Variants in PPARG observed in about 807,000 individuals in gnomAD.
PPARG encodes peroxisome proliferator-activated receptor gamma.
PPARG carries 17 observed loss-of-function variants against 39.2 expected under a neutral mutation model. The ratio of observed to expected loss-of-function variants is 0.43; its 90% CI spans 0.30 to 0.65. The LOEUF (loss-of-function observed/expected upper bound fraction) is 0.65. Ranked by LOEUF, PPARG falls within the 30% of genes least tolerant of loss-of-function variation. PPARG has a pLI of 0.13. For synonymous variants in PPARG, 223 were observed against 215.7 expected, an observed-to-expected ratio of 1.03 and a Z score of -0.30; for missense variants, 406 against 585.9, an observed-to-expected ratio of 0.69 and a Z score of 3.17.
chr3:12,387,268 A>G (rs997103896), intron 4 of PPARG, among the ~76,000 whole-genome samples: 1 of 152,140 alleles, frequency 6.6e-6, no homozygotes, highest in Non-Finnish European at 1.5e-5. Flanking sequence ...TGGTATTTCT[A>G]GTTCTAGATC....
intron 2 of PPARG, among the ~76,000 whole-genome samples, chr3:12,367,878 A>G (rs1255158678): frequency 1.3e-5 from 2 of 151,732 alleles, no homozygotes; most frequent in African/African-American, 4.8e-5. Context: ...CTGCCTCAAA[A>G]AATAATAGTA....
At chr3:12,386,973 G>A (rs996369174) in intron 4 of PPARG, among the ~76,000 whole-genome samples, 1 of 150,166 alleles carries the variant, frequency 6.7e-6, no homozygotes, top group African/African-American at 2.5e-5. Flanking sequence ...TGCAGTGTTT[G>A]GTTTTCTGTC....
intron 4 of PPARG, among the ~76,000 whole-genome samples, chr3:12,389,248 T>C (rs1290491960): frequency 6.6e-6 from 1 of 152,100 alleles, no homozygotes; most frequent in Non-Finnish European, 1.5e-5. Flanking sequence ...AGTGAGTAAG[T>C]AGTGAGAAGA....
chr3:12,412,234 G>A (rs1009507706), intron 6 of PPARG, among the ~76,000 whole-genome samples: 2 of 152,056 alleles, frequency 1.3e-5, no homozygotes, highest in African/African-American at 4.8e-5. Context: ...TGATGTTATT[G>A]GATTTCTCAG....
chr3:12,430,820 G>A (rs2051635568), intron 7 of PPARG, among the ~76,000 whole-genome samples: 1 of 152,138 alleles, frequency 6.6e-6, no homozygotes, highest in South Asian at 2.1e-4. Flanking sequence ...TAAGAAGAGT[G>A]AAGGGAAGGT....
chr3:12,307,887 A>G (rs192450476), intron 1 of PPARG, among the ~76,000 whole-genome samples: 1 of 152,262 alleles, frequency 6.6e-6, no homozygotes, highest in African/African-American at 2.4e-5. Flanking sequence ...AACTCTCAAG[A>G]GAGGAGTTGT....
intron 7 of PPARG, among the ~76,000 whole-genome samples, chr3:12,420,751 A>G (rs565937436): frequency 6.6e-6 from 1 of 152,298 alleles, no homozygotes; most frequent in South Asian, 2.1e-4. Flanking sequence ...GCTACCTAAG[A>G]TTGCTGCCAT....
chr3:12,293,695 G>A (rs2046707156), intron 1 of PPARG, among the ~76,000 whole-genome samples: 1 of 152,160 alleles, frequency 6.6e-6, no homozygotes, highest in African/African-American at 2.4e-5. Context: ...ACTTAGCACT[G>A]TTATTCTTTC....
chr3:12,408,202 T>G (rs1301304268), intron 6 of PPARG, among the ~76,000 whole-genome samples: 2 of 152,202 alleles, frequency 1.3e-5, no homozygotes, highest in Admixed American at 1.3e-4. Flanking sequence ...AAACTTTCCA[T>G]GATTGTTTTT....
intron 7 of PPARG, among the ~76,000 whole-genome samples, chr3:12,421,351 G>A (rs1466040439): frequency 6.6e-6 from 1 of 152,194 alleles, no homozygotes; most frequent in Non-Finnish European, 1.5e-5. Flanking sequence ...TGACAGGCTG[G>A]GCGGTGTCAA....
intron 4 of PPARG, among the ~76,000 whole-genome samples, chr3:12,382,793 G>A (rs1039793331): frequency 1.2e-4 from 18 of 152,070 alleles, no homozygotes; most frequent in Non-Finnish European, 2.6e-4. Context: ...AGCATAGTGA[G>A]ACCCCATCCC....
intron 2 of PPARG, among the ~76,000 whole-genome samples, chr3:12,319,203 GT>G (rs893993088): frequency 1.3e-4 from 20 of 152,182 alleles, no homozygotes; most frequent in Admixed American, 3.3e-4. Context: ...AGAGATGTAT[GT>G]TTCCCTAAGT....
intron 2 of PPARG, among the ~76,000 whole-genome samples, chr3:12,334,234 T>C (rs183018832): frequency 6.8e-6 from 1 of 146,586 alleles, no homozygotes; most frequent in Admixed American, 6.8e-5. Flanking sequence ...TCTTTTTTTC[T>C]TTTTTTTTTT....
intron 2 of PPARG, among the ~76,000 whole-genome samples, chr3:12,333,989 G>A (rs1201445317): frequency 6.6e-6 from 1 of 152,120 alleles, no homozygotes; most frequent in East Asian, 1.9e-4. Flanking sequence ...TTAACTAGGT[G>A]CTGCTTTGTG....
intron 6 of PPARG, among the ~76,000 whole-genome samples, chr3:12,410,435 C>T (rs2050842366): frequency 6.6e-6 from 1 of 152,172 alleles, no homozygotes; most frequent in Non-Finnish European, 1.5e-5. Flanking sequence ...ATTTTCAGTG[C>T]CATGGTTTGT....
chr3:12,432,339 C>CA, intron 7 of PPARG, among the ~76,000 whole-genome samples: 1 of 151,994 alleles, frequency 6.6e-6, no homozygotes, highest in Non-Finnish European at 1.5e-5. Context: ...ATAAGGAACT[C>CA]TATTAATGTA....
chr3:12,405,158 A>C (rs1174254750), intron 5 of PPARG, among the ~76,000 whole-genome samples: 3 of 152,348 alleles, frequency 2.0e-5, no homozygotes, highest in Non-Finnish European at 4.4e-5. Context: ...TTTTTTCCCC[A>C]AACTAGTCCC....
intron 2 of PPARG, among the ~76,000 whole-genome samples, chr3:12,340,797 A>G (rs1260883197): frequency 6.6e-6 from 1 of 152,208 alleles, no homozygotes; most frequent in South Asian, 2.1e-4. Context: ...ACTACCTGCT[A>G]AACACTGAAA....
chr3:12,305,382 ATT>A (rs763831418), intron 1 of PPARG, among the ~76,000 whole-genome samples: 1 of 152,210 alleles, frequency 6.6e-6, no homozygotes, highest in South Asian at 2.1e-4. Context: ...ATTTTGATTG[ATT>A]TTTTTAAAGT....
Sources: allele counts gnomAD v4.1 joint callset (sites outside exome capture counted in the v4.1 genomes callset), GRCh38; gene constraint gnomAD v4.1.1; transcripts MANE v1.5; gene names NCBI Gene and HGNC (gene_info 2026-07-23, HGNC 2026-07-21).